The following RSU1 variants were observed in gnomAD, a reference collection of about 807,000 sequenced individuals.
The protein encoded by RSU1 is Ras suppressor protein 1, also known as rsu-1.
A neutral mutation model predicts 31.1 loss-of-function variants in RSU1; 26 were observed. The ratio of observed to expected loss-of-function variants is 0.84; its 90% CI spans 0.61 to 1.16. The LOEUF (loss-of-function observed/expected upper bound fraction) is 1.16. RSU1 is among the 50% of genes most tolerant of loss of function. RSU1 has a pLI of 0.00. For missense variants in RSU1, 320 were observed against 339.1 expected (o/e 0.94, Z 0.44); for synonymous variants, 164 against 136.3 (o/e 1.20, Z -1.41).
At chr10:16,756,404 A>G (rs1837087644) in intron 4 of RSU1, among the ~76,000 whole-genome samples, 1 of 152,202 alleles carries the variant, frequency 6.6e-6, no homozygotes, top group Non-Finnish European at 1.5e-5. Context: ...TCCTGGGTCC[A>G]ATGAGACATG....
intron 2 of RSU1, among the ~76,000 whole-genome samples, chr10:16,793,086 A>G (rs1302657304): frequency 1.3e-5 from 2 of 149,996 alleles, no homozygotes; most frequent in Non-Finnish European, 3.0e-5. Context: ...AATAATAAAA[A>G]TATCATATTC....
chr10:16,777,662 A>T (rs1437169971), intron 3 of RSU1, among the ~76,000 whole-genome samples: 1 of 152,212 alleles, frequency 6.6e-6, no homozygotes, highest in Admixed American at 6.5e-5. Flanking sequence ...TCCCCAAAAG[A>T]AACTCCTTTT....
At chr10:16,752,841 C>A (rs764867093) in intron 6 of RSU1, 77 bp downstream of exon 6, 5 of 1,329,124 alleles carry the variant, frequency 3.8e-6, no homozygotes, top group Non-Finnish European at 4.3e-6. Context: ...CTTACTCCTG[C>A]TCAAATTGAC....
intron 8 of RSU1, among the ~76,000 whole-genome samples, chr10:16,614,733 G>C (rs568608704): frequency 6.6e-6 from 1 of 152,024 alleles, no homozygotes; most frequent in South Asian, 2.1e-4. Context: ...TTAGATGACA[G>C]ACAATAAATA....
intron 8 of RSU1, among the ~76,000 whole-genome samples, chr10:16,616,392 A>C (rs1427679289): frequency 6.9e-6 from 1 of 144,844 alleles, no homozygotes; most frequent in Non-Finnish European, 1.5e-5. Context: ...AAAAAAAAAA[A>C]AAACCCCAGG....
chr10:16,784,389 C>T (rs375170554), intron 2 of RSU1, among the ~76,000 whole-genome samples: 45 of 152,242 alleles, frequency 3.0e-4, no homozygotes, highest in African/African-American at 9.4e-4. Context: ...TAAAGAAACA[C>T]CTGAGACTGA....
chr10:16,765,524 T>A (rs906870255), intron 3 of RSU1, among the ~76,000 whole-genome samples: 1 of 152,184 alleles, frequency 6.6e-6, no homozygotes, highest in African/African-American at 2.4e-5. Context: ...AATATATACA[T>A]TTGAAAATAC....
chr10:16,694,909 ATGCTAAG>A, intron 8 of RSU1, 107 bp downstream of exon 8: 3 of 969,100 alleles, frequency 3.1e-6, no homozygotes, highest in Non-Finnish European at 4.5e-6. Context: ...ACATCTTAAA[ATGCTAAG>A]TGCTAACTGC....
At chr10:16,729,959 A>C (rs1836475061) in intron 7 of RSU1, among the ~76,000 whole-genome samples, 2 of 152,322 alleles carry the variant, frequency 1.3e-5, no homozygotes, top group Middle Eastern at 3.4e-3. Context: ...GAGGCTGGGT[A>C]ATTTACAAAG....
rs551018780 is a variant in RSU1, at chr10:16,724,633, C to T, written c.598+27906G>A. Among the ~76,000 whole-genome samples, 4 of 152,244 alleles carry T rather than the reference C, an allele frequency of 2.6e-5. No homozygotes were observed. The South Asian group carries it at 6.2e-4, about 24-fold the overall frequency. ...AGAAGAGGAGCAGAAGGGGGAATCA[C>T]GAACAGTGACTTTACTGTCCGAGAA... On this transcript the variant is annotated intron_variant, in intron 7 of 8. Transcript: ENST00000345264.
At chr10:16,741,677 T>C (rs1836755632) in intron 7 of RSU1, among the ~76,000 whole-genome samples, 1 of 152,044 alleles carries the variant, frequency 6.6e-6, no homozygotes, top group Admixed American at 6.6e-5. Flanking sequence ...CTAGGGAACA[T>C]TAAAGAGCTC....
Position 16,752,709 on chromosome 10 carries a change from G to GA in RSU1, c.484-57dup, listed in dbSNP as rs1837004250. The GA allele has an allele frequency of 3.2e-5, 42 of 1,320,830 alleles. 1 individual carries two copies. The South Asian group carries it at 4.9e-4, about 15-fold the overall frequency. The allele number at this position is 1,320,830 out of a possible 1,614,324, so 81.8% of individuals were successfully genotyped here. A position where few individuals can be genotyped will look rare whatever the true frequency, so the allele number is the denominator to read the frequency against. On this transcript the variant is annotated intron_variant, in intron 6 of 8. Transcript: ENST00000345264. ...TTTACACATTAAAAGGTGCTCCACA[G>GA]AAACTCTCATCCTCTATGTCCTCTC...
At chr10:16,749,004 CAACA>C (rs1371180436) in intron 7 of RSU1, among the ~76,000 whole-genome samples, 2 of 152,196 alleles carry the variant, frequency 1.3e-5, no homozygotes, top group Non-Finnish European at 2.9e-5. Flanking sequence ...ACCAGGGGCT[CAACA>C]AACAGTTGTT....
intron 3 of RSU1, among the ~76,000 whole-genome samples, chr10:16,777,715 C>T (rs1837562867): frequency 6.6e-6 from 1 of 152,172 alleles, no homozygotes; most frequent in African/African-American, 2.4e-5. Flanking sequence ...AAAGCTCACA[C>T]TTCCAAAACA....
At chr10:16,766,996 G>A (rs549247320) in intron 3 of RSU1, among the ~76,000 whole-genome samples, 24 of 151,136 alleles carry the variant, frequency 1.6e-4, no homozygotes, top group Non-Finnish European at 2.2e-4. Context: ...ACTCCAGCCC[G>A]GGTGACAAGA....
intron 3 of RSU1, among the ~76,000 whole-genome samples, chr10:16,771,567 C>T (rs574565447): frequency 2.0e-5 from 3 of 152,066 alleles, no homozygotes; most frequent in Non-Finnish European, 2.9e-5. Flanking sequence ...TTCTCACTCT[C>T]GCGTAGGAAT....
Position 16,794,907 on chromosome 10 carries a change from G to C in RSU1, c.110-12823C>G, listed in dbSNP as rs147270687. ...TGAGACCTGCCCTGTCATCCCATGA[G>C]ATCCTGAGAAAAATCACTGGATTGT... On this transcript the variant is annotated intron_variant, in intron 2 of 8. Coordinates refer to ENST00000345264, the MANE Select transcript of RSU1 (RefSeq NM_012425.4). Among the ~76,000 whole-genome samples, 39 of 152,254 alleles carry C rather than the reference G, an allele frequency of 2.6e-4. 1 individual carries two copies. The East Asian group carries it at 6.9e-3, about 27-fold the overall frequency.
At chr10:16,736,919 GAATATGCTTATCAGGAGAT>G (rs1836639579) in intron 7 of RSU1, among the ~76,000 whole-genome samples, 1 of 146,714 alleles carries the variant, frequency 6.8e-6, no homozygotes, top group African/African-American at 2.5e-5. Flanking sequence ...AAATCTTACT[GAATATGCTTATCAGGAGAT>G]TAGACACTAC....
chr10:16,790,950 T>G (rs1837900801), intron 2 of RSU1, among the ~76,000 whole-genome samples: 1 of 152,164 alleles, frequency 6.6e-6, no homozygotes, highest in Non-Finnish European at 1.5e-5. Context: ...CCTCTTTTCT[T>G]CAGAAACTAC....
Sources: allele counts gnomAD v4.1 joint callset (sites outside exome capture counted in the v4.1 genomes callset), GRCh38; gene constraint gnomAD v4.1.1; transcripts MANE v1.5; gene names NCBI Gene and HGNC (gene_info 2026-07-23, HGNC 2026-07-21).